Variants in LRRC4C observed in about 807,000 individuals in gnomAD.
LRRC4C encodes the protein leucine rich repeat containing 4C, also known as leucine-rich repeat-containing protein 4C.
LRRC4C carries 5 observed loss-of-function variants against 33.6 expected under a neutral mutation model. That is an observed-to-expected ratio of 0.15 (90% CI 0.08 to 0.31). LRRC4C has a LOEUF of 0.31. LRRC4C is among the 10% of genes least tolerant of loss of function. The probability of loss-of-function intolerance (pLI) is 1.00; values close to 1 mark genes in which losing one functional copy is unlikely to be tolerated. For synonymous variants in LRRC4C, 329 were observed against 302.0 expected (o/e 1.09, Z -0.93); for missense variants, 560 against 796.7 (o/e 0.70, Z 3.58).
At chr11:40,986,823 G>A (rs1365165186) in intron 1 of LRRC4C, among the ~76,000 whole-genome samples, 2 of 152,122 alleles carry the variant, frequency 1.3e-5, no homozygotes, top group African/African-American at 4.8e-5. Flanking sequence ...TGTATTTTAT[G>A]TGGAAATATT....
intron 1 of LRRC4C, among the ~76,000 whole-genome samples, chr11:41,194,898 T>C (rs1238130196): frequency 6.6e-6 from 1 of 152,092 alleles, no homozygotes; most frequent in Non-Finnish European, 1.5e-5. Flanking sequence ...CTTGCTGTAA[T>C]GGCAGGTTTA....
chr11:40,229,292 A>T (rs1006651941), intron 5 of LRRC4C, among the ~76,000 whole-genome samples: 1 of 151,394 alleles, frequency 6.6e-6, no homozygotes, highest in African/African-American at 2.4e-5. Flanking sequence ...TATTTTTTTG[A>T]GATGGAGTCT....
At chr11:40,488,701 G>A (rs1341146641) in intron 3 of LRRC4C, among the ~76,000 whole-genome samples, 2 of 151,908 alleles carry the variant, frequency 1.3e-5, no homozygotes, top group Admixed American at 6.6e-5. Context: ...GTATTCCTAC[G>A]AGTTATGGCT....
chr11:41,103,291 T>G (rs1342465893), intron 1 of LRRC4C, among the ~76,000 whole-genome samples: 1 of 151,978 alleles, frequency 6.6e-6, no homozygotes, highest in Non-Finnish European at 1.5e-5. Context: ...TGGAAATTGT[T>G]GTTCAGAGTA....
At chr11:40,850,785 T>C (rs761495364) in intron 2 of LRRC4C, among the ~76,000 whole-genome samples, 3 of 152,152 alleles carry the variant, frequency 2.0e-5, no homozygotes, top group Non-Finnish European at 4.4e-5. Flanking sequence ...TATCTATAAG[T>C]CCCTGACTGA....
At chr11:40,531,331 G>A (rs928942783) in intron 3 of LRRC4C, among the ~76,000 whole-genome samples, 4 of 152,182 alleles carry the variant, frequency 2.6e-5, no homozygotes, top group East Asian at 1.9e-4. Flanking sequence ...CTAGTCAGAC[G>A]AAGTAGAACT....
At chr11:41,372,303 T>G (rs1049091440) in intron 1 of LRRC4C, among the ~76,000 whole-genome samples, 2 of 152,222 alleles carry the variant, frequency 1.3e-5, no homozygotes, top group African/African-American at 2.4e-5. Context: ...ACAATATTTA[T>G]TTAGCTCCTT....
intron 2 of LRRC4C, among the ~76,000 whole-genome samples, chr11:40,671,675 G>A (rs1226075112): frequency 2.0e-5 from 2 of 99,958 alleles, no homozygotes; most frequent in Non-Finnish European, 4.0e-5. Flanking sequence ...GTGTGTGTGT[G>A]TGTAGTATAT....
intron 1 of LRRC4C, among the ~76,000 whole-genome samples, chr11:41,282,002 T>C (rs1349140280): frequency 3.3e-5 from 5 of 152,186 alleles, no homozygotes; most frequent in Non-Finnish European, 7.4e-5. Context: ...TTAGAGGCCT[T>C]GGTGGATGTG....
chr11:41,244,340 G>A (rs1002206734), intron 1 of LRRC4C, among the ~76,000 whole-genome samples: 1 of 152,088 alleles, frequency 6.6e-6, no homozygotes, highest in Non-Finnish European at 1.5e-5. Flanking sequence ...AGAAAATGAT[G>A]CAATATATTT....
chr11:41,027,639 C>T (rs928835097), intron 1 of LRRC4C, among the ~76,000 whole-genome samples: 3 of 151,608 alleles, frequency 2.0e-5, no homozygotes, highest in Non-Finnish European at 3.0e-5. Flanking sequence ...TTGTAACTTT[C>T]TCCTAGGAAA....
chr11:40,897,658 A>C (rs767068938), intron 2 of LRRC4C, among the ~76,000 whole-genome samples: 4 of 152,262 alleles, frequency 2.6e-5, no homozygotes, highest in Non-Finnish European at 4.4e-5. Flanking sequence ...GGGATGACAG[A>C]AGAAGGAACA....
intron 2 of LRRC4C, among the ~76,000 whole-genome samples, chr11:40,927,071 G>A (rs114910931): frequency 0.013 from 2,013 of 152,206 alleles, 52 homozygotes; most frequent in African/African-American, 0.046. Flanking sequence ...TGCAGCAGTC[G>A]CTGATTATTA....
At chr11:40,998,030 T>C (rs1854106171) in intron 1 of LRRC4C, among the ~76,000 whole-genome samples, 1 of 152,062 alleles carries the variant, frequency 6.6e-6, no homozygotes, top group Non-Finnish European at 1.5e-5. Context: ...ATATAGAATG[T>C]TGACTGAAAT....
intron 1 of LRRC4C, among the ~76,000 whole-genome samples, chr11:41,159,134 A>G (rs1301098760): frequency 6.6e-6 from 1 of 152,074 alleles, no homozygotes; most frequent in Non-Finnish European, 1.5e-5. Flanking sequence ...AAAATAATTT[A>G]GAAAAACTAG....
At chr11:41,179,637 C>T (rs1389368289) in intron 1 of LRRC4C, among the ~76,000 whole-genome samples, 4 of 152,170 alleles carry the variant, frequency 2.6e-5, no homozygotes, top group African/African-American at 9.7e-5. Context: ...TTTTCGGCAA[C>T]AATTACAAAC....
chr11:40,863,942 T>C (rs1012580986), intron 2 of LRRC4C, among the ~76,000 whole-genome samples: 1 of 152,174 alleles, frequency 6.6e-6, no homozygotes, highest in African/African-American at 2.4e-5. Context: ...TGTTCTCCTT[T>C]TTTCATCAAA....
rs920637385 is a variant in LRRC4C at position 40,561,787 on chromosome 11, C to T, written c.-270+86355G>A. Among the ~76,000 whole-genome samples the T allele has an allele frequency of 2.6e-5, 4 of 152,184 alleles. No individual in the cohort carries two copies. In the South Asian group the frequency reaches 8.3e-4, roughly 32 times the overall value. On this transcript the variant is annotated intron_variant, in intron 3 of 6. Coordinates refer to ENST00000528697, the MANE Select transcript of LRRC4C (RefSeq NM_001258419.2). ...TTTCATTGTGTTGGTAACAAATTCACTCGTACAGAATTATTTAACAAATTA... is the reference window on the plus strand; with the variant it reads ...TTTCATTGTGTTGGTAACAAATTCATTCGTACAGAATTATTTAACAAATTA...
At chr11:40,911,368 C>G (rs1956677015) in intron 2 of LRRC4C, among the ~76,000 whole-genome samples, 1 of 152,156 alleles carries the variant, frequency 6.6e-6, no homozygotes, top group South Asian at 2.1e-4. Flanking sequence ...AACGATCAGG[C>G]AGCAACATTT....
Sources: gnomAD v4.1 joint callset for allele counts (sites outside exome capture counted in the v4.1 genomes callset) on GRCh38, gnomAD v4.1.1 for gene constraint, MANE v1.5 for transcripts, NCBI Gene and HGNC (gene_info 2026-07-23, HGNC 2026-07-21) for gene names.